Variants in NPAP1 observed in about 807,000 individuals in gnomAD.
The protein encoded by NPAP1 is nuclear pore associated protein 1.
For synonymous variants in NPAP1, 616 were observed against 581.4 expected, an observed-to-expected ratio of 1.06 and a Z score of -0.86; for missense variants, 1,483 against 1,454.5, an observed-to-expected ratio of 1.02 and a Z score of -0.32.
rs1457582858 is a variant in NPAP1, at chr15:24,676,489, C to G, written c.622C>G (p.Leu208Val). 1.2e-6 allele frequency: 2 copies of G among 1,614,142 alleles called. No homozygotes were observed. The highest frequency in any genetic ancestry group is 1.7e-6 in the Non-Finnish European group (2 of 1,180,014). ...VASFRCSPGPLEGNVYHKFSE... is the reference protein window; with the variant it reads ...VASFRCSPGPVEGNVYHKFSE... ...CTCCTTCAGATGCAGCCCTGGGCCT[C>G]TGGAGGGAAATGTCTACCACAAGTT... Residue 208 changes from leucine (L) to valine (V), a missense_variant, in exon 1 of 1, where the codon CTG (leucine) becomes GTG (valine). Coordinates refer to ENST00000329468, the MANE Select transcript of NPAP1 (RefSeq NM_018958.3).
At position 24,682,646 on chromosome 15, in the gene NPAP1, T is replaced by C. The variant is rs1445635282; in HGVS notation, c.*3308T>C. 1 of 167,110 alleles carries C rather than the reference T, an allele frequency of 6.0e-6. No homozygotes were observed. The highest frequency in any genetic ancestry group is 1.5e-5 in the Non-Finnish European group (1 of 68,116). The allele number at this position is 167,110 out of a possible 1,614,324, so 10.4% of individuals were successfully genotyped here. ...GATGTCACTCCCATAGTTCTGAGTTTGCTTTTTTACTTCAACTATTATGTT... is the reference window on the plus strand; with the variant it reads ...GATGTCACTCCCATAGTTCTGAGTTCGCTTTTTTACTTCAACTATTATGTT... On this transcript the variant is annotated 3_prime_UTR_variant, in exon 1 of 1. Coordinates refer to ENST00000329468, the MANE Select transcript of NPAP1 (RefSeq NM_018958.3).
chr15:24,682,311 T>C lies in NPAP1; in HGVS notation c.*2973T>C, dbSNP rs552940956. The C allele has an allele frequency of 3.6e-5, 6 of 167,136 alleles. No homozygotes were observed. The highest frequency in any genetic ancestry group is 1.4e-4 in the African/African-American group (6 of 41,560). The allele number at this position is 167,136 out of a possible 1,614,324, so 10.4% of individuals were successfully genotyped here. ...AAGTAGAGTGGAAATCCAGTTTTCT[T>C]CTAATAGCCCTATACCCTTGCAGTA... On this transcript the variant is annotated 3_prime_UTR_variant, in exon 1 of 1. Coordinates refer to ENST00000329468, the MANE Select transcript of NPAP1 (RefSeq NM_018958.3).
chr15:24,678,199 G>C lies in NPAP1; in HGVS notation c.2332G>C (p.Asp778His), dbSNP rs2141312064. 6.2e-7 allele frequency: 1 copy of C among 1,613,012 alleles called. No individual in the cohort carries two copies. Among genetic ancestry groups the C allele is most frequent in the Non-Finnish European group, 8.5e-7 (1 of 1,179,864 alleles). Residue 778 changes from aspartate (D) to histidine (H), a missense_variant, in exon 1 of 1, where the codon GAT becomes CAT. Coordinates refer to ENST00000329468, the MANE Select transcript of NPAP1 (RefSeq NM_018958.3). Reference protein sequence around the residue: ...ATPQPKFGAPDGPQQKTSLPS... With the variant: ...ATPQPKFGAPHGPQQKTSLPS... ...CCCTCAACCCAAATTTGGGGCCCCT[G>C]ATGGGCCGCAGCAGAAAACCTCTCT...
rs573740926 is a variant in NPAP1, at chr15:24,679,601, G to C, written c.*263G>C. On this transcript the variant is annotated 3_prime_UTR_variant, in exon 1 of 1. Transcript: ENST00000329468. ...AACATATCTTTAATTAGAGGCCCTT[G>C]TGTATCCACCTACCAACAAAGTACC... 9.4e-5 allele frequency: 45 copies of C among 476,842 alleles called. No individual in the cohort carries two copies. Among genetic ancestry groups the C allele is most frequent in the African/African-American group, 8.8e-4 (45 of 51,132 alleles). 29.5% of individuals were successfully genotyped at this position (476,842 alleles called of 1,614,324 possible).
At position 24,682,885 on chromosome 15, in the gene NPAP1, A is replaced by G. The variant is rs1203913738; in HGVS notation, c.*3547A>G. The G allele has an allele frequency of 6.0e-6, 1 of 167,134 alleles. No homozygotes were observed. The highest frequency in any genetic ancestry group is 2.1e-4 in the South Asian group (1 of 4,836). The allele number at this position is 167,134 out of a possible 1,614,324, so 10.4% of individuals were successfully genotyped here. ...AAAGTAAATGTAAAAAGTAAAGTAG[A>G]GGTTCCTCTTCAAAGACTTTCCTCC... On this transcript the variant is annotated 3_prime_UTR_variant, in exon 1 of 1. Coordinates refer to ENST00000329468, the MANE Select transcript of NPAP1 (RefSeq NM_018958.3).
At position 24,676,424 on chromosome 15, in the gene NPAP1, C is replaced by G. The variant is rs2141307987; in HGVS notation, c.557C>G (p.Ser186Trp). Reference protein sequence around the residue: ...KRTPLSSGEASSTSRSQGTQG... With the variant: ...KRTPLSSGEAWSTSRSQGTQG... ...ACCCCCCTTAGCAGCGGAGAAGCAT[C>G]GTCCACATCCAGGTCCCAGGGCACC... is the stretch of plus-strand genomic sequence containing the variant. The change falls in exon 1 of 1, where the codon TCG (serine) becomes TGG (tryptophan). Residue 186 changes from serine to tryptophan, a missense_variant. Coordinates refer to ENST00000329468, the MANE Select transcript of NPAP1 (RefSeq NM_018958.3). The G allele has an allele frequency of 1.2e-6, 2 of 1,607,866 alleles. No homozygotes were observed. Among genetic ancestry groups the G allele is most frequent in the Non-Finnish European group, 8.5e-7 (1 of 1,177,560 alleles).
At position 24,676,376 on chromosome 15, in the gene NPAP1, A is replaced by T. The variant is rs1228000381; in HGVS notation, c.509A>T (p.Glu170Val). 5 of 1,557,100 alleles carry T rather than the reference A, an allele frequency of 3.2e-6. No homozygotes were observed. Among genetic ancestry groups the T allele is most frequent in the Non-Finnish European group, 4.3e-6 (5 of 1,154,060 alleles). The part of the protein sequence containing the change: ...VKKDEDPVQI[E>V]GEDDEKRTPL... ...AAGGATGAGGATCCGGTGCAGATCG[A>T]AGGGGAGGATGACGAGAAAAGGACC... Residue 170 changes from glutamate to valine, a missense_variant, in exon 1 of 1, where the codon GAA becomes GTA. Coordinates refer to ENST00000329468, the MANE Select transcript of NPAP1 (RefSeq NM_018958.3).
chr15:24,678,857 T>G lies in NPAP1; in HGVS notation c.2990T>G (p.Leu997Arg), dbSNP rs1323640792. ...CCTGGCACTGGAGACAGTACCTTAC[T>G]GGTTGGAAATACTATTCCAGGCCCA... ...GMPGTGDSTL[L>R]VGNTIPGPQV... The change falls in exon 1 of 1, where the codon CTG becomes CGG. Residue 997 changes from leucine (L) to arginine (R), a missense_variant. By Grantham distance (102) the Leu-to-Arg change is moderately radical. Coordinates refer to ENST00000329468, the MANE Select transcript of NPAP1 (RefSeq NM_018958.3). 1 of 1,614,218 alleles carries G rather than the reference T, an allele frequency of 6.2e-7. No individual in the cohort carries two copies. The highest frequency in any genetic ancestry group is 8.5e-7 in the Non-Finnish European group (1 of 1,180,030).
rs766720759 is a variant in NPAP1, at chr15:24,677,142, C to T, written c.1275C>T (p.Pro425=). The T allele has an allele frequency of 4.3e-6, 7 of 1,614,130 alleles. No homozygotes were observed. In the Admixed American group the frequency reaches 1.2e-4, roughly 27 times the overall value. Reference sequence around the variant, plus strand: ...CTTCCCAGGTCTCAGCTCCTTTGCCCATCCCTGACTTGGCTGACCTGGCTA... The same window carrying T: ...CTTCCCAGGTCTCAGCTCCTTTGCCTATCCCTGACTTGGCTGACCTGGCTA... ...TYTSQVSAPL[P]IPDLADLATG... Residue 425 remains proline (P), a synonymous_variant, in exon 1 of 1, where the codon CCC becomes CCT. Coordinates refer to ENST00000329468, the MANE Select transcript of NPAP1 (RefSeq NM_018958.3).
Position 24,682,619 on chromosome 15 carries a change from T to C in NPAP1, c.*3281T>C, listed in dbSNP as rs1595618161. 6.0e-6 allele frequency: 1 copy of C among 167,092 alleles called. No homozygotes were observed. The highest frequency in any genetic ancestry group is 1.9e-4 in the East Asian group (1 of 5,198). 10.4% of individuals were successfully genotyped at this position (167,092 alleles called of 1,614,324 possible). On this transcript the variant is annotated 3_prime_UTR_variant, in exon 1 of 1. Coordinates refer to ENST00000329468, the MANE Select transcript of NPAP1 (RefSeq NM_018958.3). The stretch of plus-strand genomic sequence containing the variant: ...CCTCCAGAGATAGTGTTTAGCTACT[T>C]TGATGTCACTCCCATAGTTCTGAGT...
Position 24,679,479 on chromosome 15 carries a change from C to A in NPAP1, c.*141C>A. 1 of 664,004 alleles carries A rather than the reference C, an allele frequency of 1.5e-6. No individual in the cohort carries two copies. Among genetic ancestry groups the A allele is most frequent in the Non-Finnish European group, 2.7e-6 (1 of 377,338 alleles). 41.1% of individuals were successfully genotyped at this position (664,004 alleles called of 1,614,324 possible). ...CCTCTCCAGAACTCAGGTTGTGCACCAGGAGGGGACAACAACATCCCTGTG... is the reference window on the plus strand; with the variant it reads ...CCTCTCCAGAACTCAGGTTGTGCACAAGGAGGGGACAACAACATCCCTGTG... On this transcript the variant is annotated 3_prime_UTR_variant, in exon 1 of 1. Transcript: ENST00000329468.
chr15:24,679,076 C>T lies in NPAP1; in HGVS notation c.3209C>T (p.Pro1070Leu), dbSNP rs2141314053. The change falls in exon 1 of 1, where the codon CCA becomes CTA. Residue 1070 changes from proline to leucine, a missense_variant. Coordinates refer to ENST00000329468, the MANE Select transcript of NPAP1 (RefSeq NM_018958.3). ...DPTGHSMAAA[P>L]QGASNIPVFG... ...ACTGGCCACAGCATGGCTGCTGCAC[C>T]ACAAGGGGCTAGCAACATTCCTGTA... The T allele has an allele frequency of 6.2e-7, 1 of 1,614,180 alleles. No homozygotes were observed.
Position 24,675,787 on chromosome 15 carries a change from G to A in NPAP1, c.-81G>A. On this transcript the variant is annotated 5_prime_UTR_variant, in exon 1 of 1. Transcript: ENST00000329468. ...CGTAGAGCCAGTCAGTTTGTGCTTG[G>A]TCGCCAGAGGAGGCGGTGGCTGAGG... The A allele has an allele frequency of 9.6e-7, 1 of 1,038,812 alleles. No homozygotes were observed. Among genetic ancestry groups the A allele is most frequent in the South Asian group, 1.8e-5 (1 of 54,184 alleles). 64.3% of individuals were successfully genotyped at this position (1,038,812 alleles called of 1,614,324 possible). A position where few individuals can be genotyped will look rare whatever the true frequency, so the allele number is the denominator to read the frequency against.
Position 24,679,654 on chromosome 15 carries a change from G to T in NPAP1, c.*316G>T. On this transcript the variant is annotated 3_prime_UTR_variant, in exon 1 of 1. Coordinates refer to ENST00000329468, the MANE Select transcript of NPAP1 (RefSeq NM_018958.3). ...GGGCCCACCTGGACAAAACACAGATGGTACCTCTTCCAGGAGTGTCAACAT... is the reference window on the plus strand; with the variant it reads ...GGGCCCACCTGGACAAAACACAGATTGTACCTCTTCCAGGAGTGTCAACAT... 3.0e-6 allele frequency: 1 copy of T among 337,714 alleles called. No individual in the cohort carries two copies. The highest frequency in any genetic ancestry group is 4.6e-5 in the Admixed American group (1 of 21,756). The allele number at this position is 337,714 out of a possible 1,614,324, so 20.9% of individuals were successfully genotyped here.
rs2141315198 is a variant in NPAP1, at chr15:24,680,524, C to G, written c.*1186C>G. The G allele has an allele frequency of 6.0e-6, 1 of 167,206 alleles. No individual in the cohort carries two copies. Among genetic ancestry groups the G allele is most frequent in the African/African-American group, 2.4e-5 (1 of 41,538 alleles). The allele number at this position is 167,206 out of a possible 1,614,324, so 10.4% of individuals were successfully genotyped here. On this transcript the variant is annotated 3_prime_UTR_variant, in exon 1 of 1. Coordinates refer to ENST00000329468, the MANE Select transcript of NPAP1 (RefSeq NM_018958.3). The stretch of plus-strand genomic sequence containing the variant: ...GTTCCAGGAGGAATGGGCTCAGTTC[C>G]CTCAAGGTTAAACTTAACCTGCTCT...
Position 24,677,758 on chromosome 15 carries a change from A to G in NPAP1, c.1891A>G (p.Thr631Ala), listed in dbSNP as rs1276858656. The G allele has an allele frequency of 7.4e-6, 12 of 1,614,094 alleles. No homozygotes were observed. Among genetic ancestry groups the G allele is most frequent in the Non-Finnish European group, 7.6e-6 (9 of 1,180,026 alleles). ...TSPLPFIFHNTTPSFNQLFGK... is the reference protein window; with the variant it reads ...TSPLPFIFHNATPSFNQLFGK... The stretch of plus-strand genomic sequence containing the variant: ...CCCACTTCCATTTATATTCCACAAT[A>G]CCACCCCAAGTTTTAACCAACTCTT... The change falls in exon 1 of 1, where the codon ACC becomes GCC. Residue 631 changes from threonine (T) to alanine (A), a missense_variant. By Grantham distance (58) the Thr-to-Ala change is moderately conservative. Coordinates refer to ENST00000329468, the MANE Select transcript of NPAP1 (RefSeq NM_018958.3).
chr15:24,678,913 G>T lies in NPAP1; in HGVS notation c.3046G>T (p.Asp1016Tyr), dbSNP rs74942536. 1,272 of 1,614,136 alleles carry T rather than the reference G, an allele frequency of 7.9e-4. 8 individuals carry two copies. In the African/African-American group the frequency reaches 0.014, roughly 17 times the overall value. Residue 1016 changes from aspartate to tyrosine, a missense_variant, in exon 1 of 1, where the codon GAT (aspartate) becomes TAT (tyrosine). By Grantham distance (160) the Asp-to-Tyr change is radical. Coordinates refer to ENST00000329468, the MANE Select transcript of NPAP1 (RefSeq NM_018958.3). ...GATTATGGGACCTGGAACCCCTATGGATGGTGGGAGCATTGGGTTCAGCAT... is the reference window on the plus strand; with the variant it reads ...GATTATGGGACCTGGAACCCCTATGTATGGTGGGAGCATTGGGTTCAGCAT... Reference protein sequence around the residue: ...QVIMGPGTPMDGGSIGFSMSA... With the variant: ...QVIMGPGTPMYGGSIGFSMSA...
rs369703530 is a variant in NPAP1 at position 24,678,869 on chromosome 15, C to T, written c.3002C>T (p.Thr1001Ile). 7.4e-6 allele frequency: 12 copies of T among 1,614,048 alleles called. No homozygotes were observed. In the African/African-American group the frequency reaches 1.6e-4, roughly 22 times the overall value. Residue 1001 changes from threonine (T) to isoleucine (I), a missense_variant, in exon 1 of 1, where the codon ACT (threonine) becomes ATT (isoleucine). Coordinates refer to ENST00000329468, the MANE Select transcript of NPAP1 (RefSeq NM_018958.3). ...TGDSTLLVGN[T>I]IPGPQVIMGP... is the part of the protein sequence containing the mutation. Reference sequence around the variant, plus strand: ...GACAGTACCTTACTGGTTGGAAATACTATTCCAGGCCCACAAGTGATTATG... The same window carrying T: ...GACAGTACCTTACTGGTTGGAAATATTATTCCAGGCCCACAAGTGATTATG...
At position 24,676,924 on chromosome 15, in the gene NPAP1, C is replaced by T. The variant is rs767813428; in HGVS notation, c.1057C>T (p.Pro353Ser). Residue 353 changes from proline (P) to serine (S), a missense_variant, in exon 1 of 1, where the codon CCA becomes TCA. Coordinates refer to ENST00000329468, the MANE Select transcript of NPAP1 (RefSeq NM_018958.3). ...PLLWDRGELP[P>S]PAKLPCLSVE... ...GCTGTGGGATCGAGGTGAGCTTCCC[C>T]CACCTGCTAAGCTCCCCTGCCTGTC... is the stretch of plus-strand genomic sequence containing the variant. 4 of 1,613,722 alleles carry T rather than the reference C, an allele frequency of 2.5e-6. No homozygotes were observed. The South Asian group carries it at 3.3e-5, about 13-fold the overall frequency.
Sources: gnomAD v4.1 joint callset for allele counts on GRCh38, gnomAD v4.1.1 for gene constraint, MANE v1.5 for transcripts, NCBI Gene and HGNC (gene_info 2026-07-23, HGNC 2026-07-21) for gene names.